Variants in IL1RAPL2 observed in about 807,000 individuals in gnomAD.
IL1RAPL2 encodes interleukin 1 receptor accessory protein like 2, also known as X-linked interleukin-1 receptor accessory protein-like 2.
In IL1RAPL2, 3 loss-of-function variants were observed where a neutral mutation model predicts 44.1. The ratio of observed to expected loss-of-function variants is 0.07; its 90% CI spans 0.03 to 0.18. The LOEUF is 0.18. Among genes scored for constraint, IL1RAPL2 ranks in the 10% least tolerant of loss-of-function variants. IL1RAPL2 has a pLI of 1.00. For synonymous variants in IL1RAPL2, 181 were observed against 178.8 expected (o/e 1.01, Z -0.10); for missense variants, 391 against 496.4 (o/e 0.79, Z 2.02).
At chrX:105,334,192 A>T (rs773414052) in intron 5 of IL1RAPL2, among the ~76,000 whole-genome samples, 2 of 112,371 alleles carry the variant, frequency 1.8e-5, no homozygotes, top group Middle Eastern at 4.2e-3. Flanking sequence ...GCCATAAACA[A>T]GAATGAAATC....
chrX:105,585,724 C>T (rs1176531838), intron 6 of IL1RAPL2, among the ~76,000 whole-genome samples: 1 of 25,101 alleles, frequency 4.0e-5, no homozygotes, highest in African/African-American at 1.6e-4. Context: ...CATAGTATTC[C>T]ATGGTGTATA....
intron 2 of IL1RAPL2, among the ~76,000 whole-genome samples, chrX:104,733,651 A>ATAATAATAATAG (rs1555986429): frequency 3.8e-5 from 4 of 105,554 alleles, no homozygotes; most frequent in African/African-American, 1.4e-4. Flanking sequence ...AATAATAGTA[A>ATAATAATAATAG]TAATAATAAT....
chrX:104,836,434 C>A (rs1258642024), intron 2 of IL1RAPL2, among the ~76,000 whole-genome samples: 1 of 110,518 alleles, frequency 9.0e-6, no homozygotes, highest in South Asian at 3.9e-4. Context: ...GTTTGAAACA[C>A]AAAGGATAAA....
At chrX:104,877,677 C>T (rs1922944617) in intron 2 of IL1RAPL2, among the ~76,000 whole-genome samples, 3 of 111,574 alleles carry the variant, frequency 2.7e-5, no homozygotes, top group African/African-American at 9.8e-5. Context: ...GTCAGATTTA[C>T]AATGCAAACA....
chrX:104,952,455 A>G (rs918327590), intron 2 of IL1RAPL2, among the ~76,000 whole-genome samples: 8 of 112,105 alleles, frequency 7.1e-5, no homozygotes, highest in African/African-American at 2.6e-4. Context: ...CAAATGTGTA[A>G]TGAATCACAA....
intron 2 of IL1RAPL2, among the ~76,000 whole-genome samples, chrX:105,140,748 G>C (rs765405985): frequency 1.8e-5 from 2 of 112,494 alleles, no homozygotes; most frequent in Non-Finnish European, 3.8e-5. Context: ...TGCTAATGCA[G>C]GGTTGTAATA....
At chrX:105,230,228 C>G (rs891011851) in intron 3 of IL1RAPL2, among the ~76,000 whole-genome samples, 1 of 110,998 alleles carries the variant, frequency 9.0e-6, no homozygotes, top group African/African-American at 3.3e-5. Context: ...TGATACACTT[C>G]TTTTTGTGCC....
chrX:105,010,072 A>G (rs1374179371), intron 2 of IL1RAPL2, among the ~76,000 whole-genome samples: 2 of 111,222 alleles, frequency 1.8e-5, no homozygotes, highest in African/African-American at 6.5e-5. Context: ...GTCATCTTTT[A>G]TGTAGAGTTT....
intron 2 of IL1RAPL2, among the ~76,000 whole-genome samples, chrX:104,801,244 A>G (rs1396873662): frequency 6.2e-5 from 7 of 112,007 alleles, no homozygotes; most frequent in African/African-American, 2.3e-4. Flanking sequence ...GTTTTGATAG[A>G]ATAATTTTCT....
intron 2 of IL1RAPL2, among the ~76,000 whole-genome samples, chrX:105,077,841 A>T (rs1432669353): frequency 1.8e-5 from 2 of 111,947 alleles, no homozygotes; most frequent in Non-Finnish European, 3.8e-5. Context: ...TCAGTTACTG[A>T]GGCTTGTGCA....
chrX:105,295,888 T>G (rs1232773664), intron 5 of IL1RAPL2, among the ~76,000 whole-genome samples: 2 of 111,198 alleles, frequency 1.8e-5, no homozygotes, highest in East Asian at 5.7e-4. Context: ...GTTCAGGATG[T>G]CTTTACCTTT....
chrX:104,776,110 T>C (rs1932714924), intron 2 of IL1RAPL2, among the ~76,000 whole-genome samples: 2 of 112,067 alleles, frequency 1.8e-5, no homozygotes, highest in Non-Finnish European at 1.9e-5. Flanking sequence ...ATATACATAT[T>C]CCCTTATTCA....
intron 8 of IL1RAPL2, among the ~76,000 whole-genome samples, chrX:105,741,309 A>G (rs2038498449): frequency 8.9e-6 from 1 of 111,999 alleles, no homozygotes; most frequent in Admixed American, 9.5e-5. Context: ...TAAAGGAGAT[A>G]AAAAACAGAT....
In IL1RAPL2 at chrX:104,685,447, G is replaced by A. The variant is rs978452466; in HGVS notation, c.82+26452G>A. On this transcript the variant is annotated intron_variant, in intron 2 of 10. Coordinates refer to ENST00000372582, the MANE Select transcript of IL1RAPL2 (RefSeq NM_017416.2). Reference sequence around the variant, plus strand: ...AACTAAGAAAGAGGTAATTGAGGGGGCCTTGCTCTGGAGCTGTACCTACTT... The same window carrying A: ...AACTAAGAAAGAGGTAATTGAGGGGACCTTGCTCTGGAGCTGTACCTACTT... 4.5e-5 allele frequency among the ~76,000 whole-genome samples: 5 copies of A among 111,654 alleles called. No individual in the cohort carries two copies. In the Admixed American group the frequency reaches 4.8e-4, roughly 11 times the overall value.
At chrX:104,954,004 CAA>C (rs1925649543) in intron 2 of IL1RAPL2, among the ~76,000 whole-genome samples, 1 of 111,652 alleles carries the variant, frequency 9.0e-6, no homozygotes, top group South Asian at 3.7e-4. Flanking sequence ...CTATAGAAAT[CAA>C]AAGTGTCCAG....
intron 1 of IL1RAPL2, among the ~76,000 whole-genome samples, chrX:104,606,838 A>G (rs1929024898): frequency 9.0e-6 from 1 of 111,713 alleles, no homozygotes; most frequent in South Asian, 3.8e-4. Flanking sequence ...ACTCATTGCT[A>G]CCCCCATCAA....
intron 5 of IL1RAPL2, among the ~76,000 whole-genome samples, chrX:105,449,313 G>A (rs1277538652): frequency 2.7e-5 from 3 of 111,111 alleles, no homozygotes; most frequent in East Asian, 2.8e-4. Context: ...GGCTGGGTGC[G>A]GTGGCTCACG....
intron 2 of IL1RAPL2, among the ~76,000 whole-genome samples, chrX:104,763,943 T>C (rs1454849749): frequency 1.8e-5 from 2 of 112,100 alleles, no homozygotes; most frequent in Non-Finnish European, 3.8e-5. Flanking sequence ...GCCAGTATCA[T>C]GCTGTTTTGG....
At chrX:105,447,589 A>G (rs1262358037) in intron 5 of IL1RAPL2, among the ~76,000 whole-genome samples, 16 of 72,980 alleles carry the variant, frequency 2.2e-4, no homozygotes, top group Non-Finnish European at 3.0e-4. Flanking sequence ...ATATATTTAT[A>G]TAAATATAAA....
Sources: allele counts gnomAD v4.1 joint callset (sites outside exome capture counted in the v4.1 genomes callset), GRCh38; gene constraint gnomAD v4.1.1; transcripts MANE v1.5; gene names NCBI Gene and HGNC (gene_info 2026-07-23, HGNC 2026-07-21).